CYP2E1: variants seen among roughly 807,000 people sequenced by gnomAD.
CYP2E1 encodes the protein cytochrome P450 2E1.
A neutral mutation model predicts 42.9 loss-of-function variants in CYP2E1; 31 were observed. The observed-to-expected ratio is 0.72, with a 90% CI of 0.54 to 0.98. CYP2E1 has a LOEUF of 0.98. CYP2E1 is among the 50% of genes least tolerant of loss of function. The pLI, the probability that CYP2E1 is intolerant of heterozygous loss-of-function variation, is 0.00. For missense variants in CYP2E1, 565 were observed against 633.2 expected (o/e 0.89, Z 1.16); for synonymous variants, 244 against 248.9 (o/e 0.98, Z 0.19).
intron 5 of CYP2E1, 149 bp from the exon 6 acceptor site, chr10:133,533,607 T>G: frequency 3.3e-6 from 3 of 902,860 alleles, no homozygotes; most frequent in Non-Finnish European, 5.0e-6. Flanking sequence ...TGGAGATGAC[T>G]CTGTCTGTCA....
Position 133,532,181 on chromosome 10 carries a change from A to T in CYP2E1, c.545A>T (p.Asp182Val). Residue 182 changes from aspartate to valine, a missense_variant, in exon 4 of 9, where the codon GAC becomes GTC. Transcript: ENST00000252945. ...TGCGCGCCCTGCAACGTCATAGCCG[A>T]CATCCTCTTCCGCAAGCATTTTGAC... ...IGCAPCNVIA[D>V]ILFRKHFDYN... 6.2e-7 allele frequency: 1 copy of T among 1,613,966 alleles called. No homozygotes were observed.
chr10:133,538,011 G>A (rs1452457666), intron 8 of CYP2E1, 119 bp downstream of exon 8: 20 of 962,896 alleles, frequency 2.1e-5, no homozygotes, highest in Non-Finnish European at 2.9e-5. Context: ...CTCACTGTGT[G>A]CCCTGTTTCT....
At chr10:133,537,272 A>G (rs920113966) in intron 7 of CYP2E1, 22 bp downstream of exon 7, 1 of 1,609,482 alleles carries the variant, frequency 6.2e-7, no homozygotes, top group Non-Finnish European at 8.5e-7. Flanking sequence ...AGCCTGCAGC[A>G]CACAGCATGA....
At chr10:133,532,367 A>G in intron 4 of CYP2E1, 83 bp downstream of exon 4, 1 of 1,337,214 alleles carries the variant, frequency 7.5e-7, no homozygotes, top group Non-Finnish European at 1.0e-6. Flanking sequence ...TATATGTGAT[A>G]GACAGGACTG....
At position 133,533,908 on chromosome 10, in the gene CYP2E1, G is replaced by A; in HGVS notation, c.967+11G>A. ...ACCCTGAGATCGAAGGTAGGCAAGTGACTGAAGGGACACCGTGCGTGCGGC... is the reference window on the plus strand; with the variant it reads ...ACCCTGAGATCGAAGGTAGGCAAGTAACTGAAGGGACACCGTGCGTGCGGC... On this transcript the variant is annotated intron_variant, in intron 6 of 8. Coordinates refer to ENST00000252945, the MANE Select transcript of CYP2E1 (RefSeq NM_000773.4). The A allele has an allele frequency of 6.2e-7, 1 of 1,613,882 alleles. No homozygotes were observed. Among genetic ancestry groups the A allele is most frequent in the Middle Eastern group, 1.7e-4 (1 of 6,058 alleles).
intron 6 of CYP2E1, among the ~76,000 whole-genome samples, chr10:133,535,169 C>A (rs2864986): frequency 0.1 from 15,447 of 151,840 alleles, 926 homozygotes; most frequent in East Asian, 0.25. Context: ...CCCTGTCTCT[C>A]CTAAAATACA....
rs61644766 is a variant in CYP2E1, at chr10:133,537,118, C to G, written c.1023C>G (p.Ile341Met). The change falls in exon 7 of 9, where the codon ATC (isoleucine) becomes ATG (methionine). Residue 341 changes from isoleucine (I) to methionine (M), a missense_variant. Transcript: ENST00000252945. Reference sequence around the variant, plus strand: ...TTGGGCCAAGCCGAATCCCTGCCATCAAGGATAGGCAAGAGATGCCCTACA... The same window carrying G: ...TTGGGCCAAGCCGAATCCCTGCCATGAAGGATAGGCAAGAGATGCCCTACA... ...RVIGPSRIPA[I>M]KDRQEMPYMD... 15 of 1,613,866 alleles carry G rather than the reference C, an allele frequency of 9.3e-6. No individual in the cohort carries two copies. The highest frequency in any genetic ancestry group is 1.1e-5 in the Non-Finnish European group (13 of 1,179,944).
intron 6 of CYP2E1, 58 bp downstream of exon 6, chr10:133,533,955 C>A (rs1851370067): frequency 6.3e-7 from 1 of 1,585,768 alleles, no homozygotes; most frequent in Non-Finnish European, 8.6e-7. Flanking sequence ...GGATGGCCAG[C>A]CTTGCACATT....
intron 6 of CYP2E1, among the ~76,000 whole-genome samples, chr10:133,536,717 ATGGGTGGATGGT>A: frequency 1.1e-5 from 1 of 89,942 alleles, no homozygotes; most frequent in Non-Finnish European, 2.3e-5. Flanking sequence ...AAATGGGTGG[ATGGGTGGATGGT>A]TGGATGGATG....
intron 1 of CYP2E1, 119 bp from the exon 2 acceptor site, chr10:133,528,362 C>A: frequency 8.2e-7 from 1 of 1,225,162 alleles, no homozygotes; most frequent in Middle Eastern, 2.9e-4. Flanking sequence ...ACAGCTTTTC[C>A]CCACGTCCCT....
At chr10:133,531,887 AG>A in intron 3 of CYP2E1, 153 bp downstream of exon 3, 1 of 847,560 alleles carries the variant, frequency 1.2e-6, no homozygotes, top group East Asian at 2.7e-5. Flanking sequence ...TTACAACTCT[AG>A]GTTCCAGCTA....
rs750140082 is a variant in CYP2E1, at chr10:133,528,626, C to A, written c.323C>A (p.Ala108Glu). 2 of 1,613,138 alleles carry A rather than the reference C, an allele frequency of 1.2e-6. No homozygotes were observed. Among genetic ancestry groups the A allele is most frequent in the East Asian group, 4.5e-5 (2 of 44,866 alleles). ...AGAGGCGACCTCCCCGCGTTCCATG[C>A]GCACAGGGACAGGGGTGAGTCCGCG... ...SGRGDLPAFH[A>E]HRDRGIIFNN... The change falls in exon 2 of 9, where the codon GCG becomes GAG. Residue 108 changes from alanine to glutamate, a missense_variant. Coordinates refer to ENST00000252945, the MANE Select transcript of CYP2E1 (RefSeq NM_000773.4).
chr10:133,528,806 C>T (rs1202826748), intron 2 of CYP2E1, among the ~76,000 whole-genome samples, 166 bp downstream of exon 2: 1 of 152,252 alleles, frequency 6.6e-6, no homozygotes, highest in Non-Finnish European at 1.5e-5. Flanking sequence ...CCGCGCGTTG[C>T]CTGCGGAGCG....
At chr10:133,531,951 A>G in intron 3 of CYP2E1, 173 bp from the exon 4 acceptor site, 1 of 759,288 alleles carries the variant, frequency 1.3e-6, no homozygotes, top group Non-Finnish European at 2.1e-6. Context: ...TATCCTAAAT[A>G]CTGTTGAAAA....
intron 5 of CYP2E1, 42 bp downstream of exon 5, chr10:133,532,910 C>T (rs1173917263): frequency 1.3e-6 from 2 of 1,534,326 alleles, no homozygotes; most frequent in Non-Finnish European, 1.8e-6. Flanking sequence ...CCGGGGTGGG[C>T]AGAGAATGCA....
intron 4 of CYP2E1, 61 bp from the exon 5 acceptor site, chr10:133,532,631 C>T (rs1386611396): frequency 2.1e-6 from 3 of 1,403,356 alleles, no homozygotes; most frequent in Admixed American, 4.4e-5. Context: ...GTTGTTGGTC[C>T]AACACACACA....
chr10:133,528,694 G>T, intron 2 of CYP2E1, 54 bp downstream of exon 2: 1 of 1,596,914 alleles, frequency 6.3e-7, no homozygotes, highest in Non-Finnish European at 8.5e-7. Flanking sequence ...CCCCGGGACA[G>T]TTACGGGCGC....
chr10:133,537,578 G>C, intron 7 of CYP2E1, 173 bp from the exon 8 acceptor site: 1 of 627,536 alleles, frequency 1.6e-6, no homozygotes. Flanking sequence ...TCTTCATTTA[G>C]ACCTGACCCC....
intron 2 of CYP2E1, among the ~76,000 whole-genome samples, chr10:133,530,104 G>A (rs1851319119): frequency 1.3e-5 from 2 of 152,114 alleles, no homozygotes; most frequent in South Asian, 2.1e-4. Context: ...TGCCTGGAGG[G>A]TCTAAAGTTT....
Sources: allele counts gnomAD v4.1 joint callset (sites outside exome capture counted in the v4.1 genomes callset), GRCh38; gene constraint gnomAD v4.1.1; transcripts MANE v1.5; gene names NCBI Gene and HGNC (gene_info 2026-07-23, HGNC 2026-07-21).